The following B3GLCT variants were observed in gnomAD, a reference collection of about 807,000 sequenced individuals.
The protein encoded by B3GLCT is beta 3-glucosyltransferase, also known as beta-1,3-glucosyltransferase.
Under a neutral mutation model 63.4 loss-of-function variants are expected in B3GLCT, and 65 were observed. The observed-to-expected ratio is 1.03, with a 90% confidence interval of 0.84 to 1.26. The LOEUF (loss-of-function observed/expected upper bound fraction) is 1.26. B3GLCT is among the 50% of genes most tolerant of loss of function. B3GLCT has a pLI of 0.00. For missense variants in B3GLCT, 577 were observed against 604.8 expected (o/e 0.95, Z 0.48); for synonymous variants, 233 against 219.2 (o/e 1.06, Z -0.55).
At chr13:31,323,676 T>TC (rs1484876446) in intron 13 of B3GLCT, 75 bp from the exon 14 acceptor site, 2 of 1,565,134 alleles carry the variant, frequency 1.3e-6, no homozygotes, top group Non-Finnish European at 8.8e-7. Flanking sequence ...AAGTCCTGTT[T>TC]CCCGGGGCCC....
intron 12 of B3GLCT, among the ~76,000 whole-genome samples, chr13:31,292,603 T>A (rs994951972): frequency 1.3e-5 from 2 of 152,168 alleles, no homozygotes; most frequent in Admixed American, 1.3e-4. Flanking sequence ...TGTGTAGAGG[T>A]GTTTATAGTA....
At chr13:31,285,637 A>AACTGATTAT (rs1873289308) in intron 11 of B3GLCT, among the ~76,000 whole-genome samples, 1 of 150,672 alleles carries the variant, frequency 6.6e-6, no homozygotes, top group Non-Finnish European at 1.5e-5. Context: ...AAAAGTAGCA[A>AACTGATTAT]ACTGATTATG....
intron 4 of B3GLCT, among the ~76,000 whole-genome samples, chr13:31,233,945 G>A (rs1235783257): frequency 1.3e-5 from 2 of 152,036 alleles, no homozygotes; most frequent in African/African-American, 4.8e-5. Context: ...ACAAGACATA[G>A]TCTTGGTACT....
intron 9 of B3GLCT, among the ~76,000 whole-genome samples, chr13:31,274,938 G>A (rs777434655): frequency 3.9e-5 from 6 of 152,152 alleles, no homozygotes; most frequent in South Asian, 2.1e-4. Context: ...CCACTTATAA[G>A]TGAGAACATG....
chr13:31,301,786 C>G (rs1312189465), intron 12 of B3GLCT, among the ~76,000 whole-genome samples: 1 of 152,246 alleles, frequency 6.6e-6, no homozygotes, highest in African/African-American at 2.4e-5. Context: ...ATGCAGCAAA[C>G]TGGTTTGGGC....
intron 7 of B3GLCT, 25 bp downstream of exon 7, chr13:31,261,107 G>T (rs1225383827): frequency 1.3e-6 from 2 of 1,599,550 alleles, no homozygotes; most frequent in Admixed American, 1.7e-5. Flanking sequence ...GAATTTTTTC[G>T]GGGGGCGGGA....
chr13:31,323,726 C>G, intron 13 of B3GLCT, 25 bp from the exon 14 acceptor site: 1 of 1,614,018 alleles, frequency 6.2e-7, no homozygotes, highest in Non-Finnish European at 8.5e-7. Context: ...TCTCTAACCC[C>G]TTTCTCTGCT....
At chr13:31,257,674 G>A (rs1441498887) in intron 6 of B3GLCT, among the ~76,000 whole-genome samples, 1 of 151,900 alleles carries the variant, frequency 6.6e-6, no homozygotes, top group African/African-American at 2.4e-5. Context: ...CTCATGTATG[G>A]TGTCTTCTTG....
intron 6 of B3GLCT, chr13:31,260,260 G>A (rs1871961535): frequency 6.6e-6 from 1 of 152,074 alleles, no homozygotes; most frequent in South Asian, 2.1e-4. Flanking sequence ...GTTTGCTACT[G>A]AGGATGAACA....
At chr13:31,316,407 T>TTACATATATATATATATA in intron 12 of B3GLCT, among the ~76,000 whole-genome samples, 1 of 40,870 alleles carries the variant, frequency 2.4e-5, no homozygotes, top group East Asian at 1.0e-3. Context: ...TTTGGAGGTT[T>TTACATATATATATATATA]TATATATATA....
intron 12 of B3GLCT, among the ~76,000 whole-genome samples, chr13:31,297,527 T>G (rs1874016181): frequency 6.6e-6 from 1 of 152,154 alleles, no homozygotes; most frequent in Admixed American, 6.5e-5. Context: ...ACAACTTCCG[T>G]GACCAAAAGT....
At chr13:31,216,520 G>C (rs1028808605) in intron 2 of B3GLCT, among the ~76,000 whole-genome samples, 2 of 152,070 alleles carry the variant, frequency 1.3e-5, no homozygotes, top group African/African-American at 4.8e-5. Context: ...ATGTCATAGG[G>C]GTTTGATGGA....
At chr13:31,328,977 A>G (rs1488060223) in intron 14 of B3GLCT, among the ~76,000 whole-genome samples, 2 of 152,192 alleles carry the variant, frequency 1.3e-5, no homozygotes, top group Non-Finnish European at 2.9e-5. Context: ...TTGGTCAGGA[A>G]GAGAGCATGA....
At chr13:31,212,703 C>T (rs1442615984) in intron 1 of B3GLCT, among the ~76,000 whole-genome samples, 2 of 152,190 alleles carry the variant, frequency 1.3e-5, no homozygotes, top group Non-Finnish European at 1.5e-5. Flanking sequence ...TGAGCCACCA[C>T]GCTCAGTGGG....
intron 1 of B3GLCT, among the ~76,000 whole-genome samples, chr13:31,208,777 A>G (rs749717760): frequency 3.3e-5 from 5 of 151,982 alleles, no homozygotes; most frequent in Non-Finnish European, 7.4e-5. Flanking sequence ...ACATCTCAAC[A>G]GGGCATTCCC....
At chr13:31,273,007 A>G (rs1297978505) in intron 8 of B3GLCT, among the ~76,000 whole-genome samples, 1 of 152,160 alleles carries the variant, frequency 6.6e-6, no homozygotes, top group Non-Finnish European at 1.5e-5. Flanking sequence ...TTGTTTTTGA[A>G]GCATGCTTAC....
At chr13:31,226,090 C>G (rs1237649112) in intron 3 of B3GLCT, among the ~76,000 whole-genome samples, 2 of 152,190 alleles carry the variant, frequency 1.3e-5, no homozygotes, top group African/African-American at 2.4e-5. Flanking sequence ...TGTGTGTCTG[C>G]TGCTTTTTAA....
rs1226351001 is a variant in B3GLCT, at chr13:31,277,478, A to C, written c.850+707A>C. ...AAGCAACACTTTTCTGAAATTGAAA[A>C]TTAGGCAGTCTTTTGCATTTTCTAA... On this transcript the variant is annotated intron_variant, in intron 10 of 14. Coordinates refer to ENST00000343307, the MANE Select transcript of B3GLCT (RefSeq NM_194318.4). 5.3e-5 allele frequency among the ~76,000 whole-genome samples: 8 copies of C among 152,060 alleles called. No individual in the cohort carries two copies. In the East Asian group the frequency reaches 7.7e-4, roughly 15 times the overall value.
rs1252651170 is a variant in B3GLCT at position 31,274,526 on chromosome 13, G to C, written c.678G>C (p.Trp226Cys). ...CGTGGCAGATTGCCCTCTACATCTG[G>C]GACAAAGGCGGAGGACCTCCCCTGA... is the stretch of plus-strand genomic sequence containing the variant. Reference protein sequence around the residue: ...DLKHEIALYIWDKGGGPPLTP... With the variant: ...DLKHEIALYICDKGGGPPLTP... The change falls in exon 9 of 15, where the codon TGG becomes TGC. Residue 226 changes from tryptophan to cysteine, a missense_variant. Coordinates refer to ENST00000343307, the MANE Select transcript of B3GLCT (RefSeq NM_194318.4). 2 of 1,614,084 alleles carry C rather than the reference G, an allele frequency of 1.2e-6. No individual in the cohort carries two copies. The highest frequency in any genetic ancestry group is 1.7e-5 in the Admixed American group (1 of 60,010).
Sources: gnomAD v4.1 joint callset for allele counts (sites outside exome capture counted in the v4.1 genomes callset) on GRCh38, gnomAD v4.1.1 for gene constraint, MANE v1.5 for transcripts, NCBI Gene and HGNC (gene_info 2026-07-23, HGNC 2026-07-21) for gene names.